Variants in ZNF449 observed in about 807,000 individuals in gnomAD.
The protein encoded by ZNF449 is zinc finger and SCAN domain-containing protein 19.
ZNF449 carries 4 observed loss-of-function variants against 32.6 expected under a neutral mutation model. The observed-to-expected ratio is 0.12, with a 90% CI of 0.06 to 0.28. ZNF449 has a LOEUF of 0.28. Ranked by LOEUF, ZNF449 falls within the 10% of genes least tolerant of loss-of-function variation. The probability of loss-of-function intolerance (pLI) is 1.00; values close to 1 mark genes in which losing one functional copy is unlikely to be tolerated. For synonymous variants in ZNF449, 123 were observed against 132.2 expected (o/e 0.93, Z 0.48); for missense variants, 275 against 383.2 (o/e 0.72, Z 2.36).
At chrX:135,352,197 A>G (rs188300568) in intron 3 of ZNF449, among the ~76,000 whole-genome samples, 13 of 112,282 alleles carry the variant, frequency 1.2e-4, no homozygotes, top group Admixed American at 3.8e-4. Flanking sequence ...TTTGGAACCT[A>G]TTTCCTATGA....
intron 2 of ZNF449, chrX:135,348,591 G>T: frequency 3.3e-6 from 1 of 302,453 alleles, no homozygotes; most frequent in Non-Finnish European, 5.4e-6. Flanking sequence ...CTCCAGTCTT[G>T]TCTATGGGGG....
chrX:135,359,997 C>T lies in ZNF449; in HGVS notation c.665C>T (p.Ser222Phe), dbSNP rs2084936917. The T allele has an allele frequency of 8.6e-7, 1 of 1,161,743 alleles. No homozygotes were observed. Among genetic ancestry groups the T allele is most frequent in the African/African-American group, 1.8e-5 (1 of 55,314 alleles). ...AAAGAAATGAAACAATTACTTGATT[C>T]CAAGATAGGTAAGTAATTGTTCTTT... ...DSKEMKQLLD[S>F]KIGFEIGIEN... Residue 222 changes from serine (S) to phenylalanine (F), a missense_variant, in exon 4 of 5, where the codon TCC becomes TTC. Coordinates refer to ENST00000339249, the MANE Select transcript of ZNF449 (RefSeq NM_152695.6).
Position 135,360,250 on chromosome X carries a change from C to T in ZNF449, c.731C>T (p.Thr244Ile). Residue 244 changes from threonine to isoleucine, a missense_variant, in exon 5 of 5, where the codon ACT becomes ATT. Physicochemically the swap from Thr to Ile is moderately conservative, Grantham distance 89. This residue lies in a region of ZNF449 where 165 missense variants were observed against 175.0 expected (regional missense o/e 0.94). Coordinates refer to ENST00000339249, the MANE Select transcript of ZNF449 (RefSeq NM_152695.6). ...EDTSKQKKME[T>I]MYPFIVTLEG... ...ACTTCAAAACAGAAAAAAATGGAGA[C>T]TATGTATCCATTTATTGTAACTTTA... 8.3e-7 allele frequency: 1 copy of T among 1,204,353 alleles called. No homozygotes were observed. The highest frequency in any genetic ancestry group is 1.1e-6 in the Non-Finnish European group (1 of 892,896).
chrX:135,348,110 C>A, intron 2 of ZNF449: 1 of 129,590 alleles, frequency 7.7e-6, no homozygotes, highest in Admixed American at 8.6e-5. Context: ...GAAATTCAGA[C>A]TGATAAAGCT....
chrX:135,347,524 G>A, intron 2 of ZNF449, 52 bp downstream of exon 2: 1 of 1,200,280 alleles, frequency 8.3e-7, no homozygotes, highest in Non-Finnish European at 1.1e-6. Flanking sequence ...AGTAGCTGAG[G>A]CAGCTGGGAC....
At chrX:135,359,811 T>A in intron 3 of ZNF449, 81 bp from the exon 4 acceptor site, 1 of 555,611 alleles carries the variant, frequency 1.8e-6, no homozygotes. Flanking sequence ...TAAGAGGCTA[T>A]CTGTCCAAGA....
intron 3 of ZNF449, among the ~76,000 whole-genome samples, chrX:135,354,139 T>G (rs782801763): frequency 8.9e-6 from 1 of 112,539 alleles, no homozygotes; most frequent in African/African-American, 3.2e-5. Flanking sequence ...TTTAAAACTT[T>G]AATAGATATT....
At chrX:135,346,035 A>T (rs1008693535) in intron 1 of ZNF449, among the ~76,000 whole-genome samples, 4 of 112,107 alleles carry the variant, frequency 3.6e-5, no homozygotes, top group African/African-American at 1.3e-4. Flanking sequence ...GACCTTAGAC[A>T]TGTTGTTCAA....
At chrX:135,357,678 A>G (rs1468965776) in intron 3 of ZNF449, among the ~76,000 whole-genome samples, 1 of 111,795 alleles carries the variant, frequency 8.9e-6, no homozygotes, top group Middle Eastern at 4.2e-3. Context: ...AAGTGCATAC[A>G]TGATTATAAT....
rs1301401386 is a variant in ZNF449, at chrX:135,361,710, C to G, written c.*634C>G. ...AATTTAATTTTGATTGACTGAAGAA[C>G]CAGGGTCTTTTGCTCTCCTTTGGTA... On this transcript the variant is annotated 3_prime_UTR_variant, in exon 5 of 5. Transcript: ENST00000339249. The G allele has an allele frequency of 1.8e-5, 2 of 111,589 alleles. No individual in the cohort carries two copies. Among genetic ancestry groups the G allele is most frequent in the Non-Finnish European group, 3.8e-5 (2 of 52,934 alleles). 9.2% of individuals were successfully genotyped at this position (111,589 alleles called of 1,213,427 possible).
At chrX:135,354,297 C>G (rs1236155490) in intron 3 of ZNF449, among the ~76,000 whole-genome samples, 1 of 112,023 alleles carries the variant, frequency 8.9e-6, no homozygotes, top group African/African-American at 3.2e-5. Context: ...GGGCAAATAT[C>G]TGTGGAAACC....
Position 135,360,011 on chromosome X carries a change from T to G in ZNF449, c.673+6T>G, listed in dbSNP as rs782039605. On this transcript the variant is annotated splice_donor_region_variant and intron_variant, in intron 4 of 4. Transcript: ENST00000339249. The stretch of plus-strand genomic sequence containing the variant: ...ATTACTTGATTCCAAGATAGGTAAG[T>G]AATTGTTCTTTGATATACTAGTGGG... 8.7e-7 allele frequency: 1 copy of G among 1,144,546 alleles called. No individual in the cohort carries two copies. 94.3% of individuals were successfully genotyped at this position (1,144,546 alleles called of 1,213,427 possible). A position where few individuals can be genotyped will look rare whatever the true frequency, so the allele number is the denominator to read the frequency against.
chrX:135,360,291 C>G lies in ZNF449; in HGVS notation c.772C>G (p.Gln258Glu). 8.3e-7 allele frequency: 1 copy of G among 1,210,677 alleles called. No homozygotes were observed. Among genetic ancestry groups the G allele is most frequent in the Admixed American group, 2.2e-5 (1 of 45,924 alleles). ...TGTAACTTTAGAGGGGAATGCTCTC[C>G]AGGGTCCCATTTTGCAAAAAGACTA... ...FIVTLEGNAL[Q>E]GPILQKDYVQ... Residue 258 changes from glutamine to glutamate, a missense_variant, in exon 5 of 5, where the codon CAG becomes GAG. Transcript: ENST00000339249.
chrX:135,351,830 A>T (rs1473768831), intron 3 of ZNF449, among the ~76,000 whole-genome samples: 1 of 111,543 alleles, frequency 9.0e-6, no homozygotes, highest in Non-Finnish European at 1.9e-5. Context: ...CAAATACCAC[A>T]TAGTAGCAAT....
intron 3 of ZNF449, among the ~76,000 whole-genome samples, chrX:135,350,755 G>C (rs782220078): frequency 9.0e-6 from 1 of 111,436 alleles, no homozygotes; most frequent in African/African-American, 3.3e-5. Flanking sequence ...GACAGTAAAT[G>C]GTATGTTGGG....
chrX:135,355,189 AT>A (rs1337686798), intron 3 of ZNF449, among the ~76,000 whole-genome samples: 30 of 106,410 alleles, frequency 2.8e-4, no homozygotes, highest in Admixed American at 1.1e-3. Flanking sequence ...ACTTTTAAAA[AT>A]TTTTTTTTTA....
At chrX:135,356,432 G>T (rs2084918309) in intron 3 of ZNF449, among the ~76,000 whole-genome samples, 1 of 111,786 alleles carries the variant, frequency 8.9e-6, no homozygotes, top group African/African-American at 3.2e-5. Flanking sequence ...TAACGATGCT[G>T]AACATGCTTT....
At chrX:135,346,045 A>G (rs962074394) in intron 1 of ZNF449, among the ~76,000 whole-genome samples, 20 of 112,057 alleles carry the variant, frequency 1.8e-4, no homozygotes, top group African/African-American at 6.5e-4. Context: ...ATGTTGTTCA[A>G]TCCCCCTAAG....
Position 135,362,644 on chromosome X carries a change from A to G in ZNF449, c.*1568A>G, listed in dbSNP as rs1190250947. On this transcript the variant is annotated 3_prime_UTR_variant, in exon 5 of 5. Coordinates refer to ENST00000339249, the MANE Select transcript of ZNF449 (RefSeq NM_152695.6). ...GTCATCCTTTCCTTGAACTACAATT[A>G]GGAAAAGTATATGTCTTTATTCCAT... 1 of 112,251 alleles carries G rather than the reference A, an allele frequency of 8.9e-6. No individual in the cohort carries two copies. The highest frequency in any genetic ancestry group is 3.2e-5 in the African/African-American group (1 of 30,952). The allele number at this position is 112,251 out of a possible 1,213,427, so 9.3% of individuals were successfully genotyped here.
Sources: gnomAD v4.1 joint callset for allele counts (sites outside exome capture counted in the v4.1 genomes callset) on GRCh38, gnomAD v4.1.1 for gene constraint, gnomAD v4.1.1 regional missense constraint, MANE v1.5 for transcripts, NCBI Gene and HGNC (gene_info 2026-07-23, HGNC 2026-07-21) for gene names.